The following DNAH17 variants were observed in gnomAD, a reference collection of about 807,000 sequenced individuals.
DNAH17 encodes dynein axonemal heavy chain 17.
In DNAH17, 376 loss-of-function variants were observed where a neutral mutation model predicts 485.6. That is an observed-to-expected ratio of 0.77 (90% CI 0.71 to 0.84). The LOEUF (loss-of-function observed/expected upper bound fraction) is 0.84. Among genes scored for constraint, DNAH17 ranks in the 40% least tolerant of loss-of-function variants. DNAH17 has a pLI of 0.00. For missense variants in DNAH17, 6,370 were observed against 5,839.3 expected (o/e 1.09, Z -2.96); for synonymous variants, 3,031 against 2,405.9 (o/e 1.26, Z -7.60).
chr17:78,562,001 G>A (rs749469538), intron 11 of DNAH17, 21 bp from the exon 12 acceptor site: 13 of 1,552,212 alleles, frequency 8.4e-6, no homozygotes, highest in African/African-American at 6.9e-5. Flanking sequence ...AGGAGAAGGG[G>A]GCCTCTTCAC....
At chr17:78,495,416 C>A (rs1156796097) in intron 38 of DNAH17, among the ~76,000 whole-genome samples, 4 of 151,044 alleles carry the variant, frequency 2.6e-5, no homozygotes, top group African/African-American at 9.8e-5. Flanking sequence ...AGGAGGCCCT[C>A]GCCTGCCTCA....
chr17:78,576,028 C>T (rs1416706358), intron 1 of DNAH17, among the ~76,000 whole-genome samples: 4 of 152,200 alleles, frequency 2.6e-5, no homozygotes, highest in Admixed American at 6.5e-5. Flanking sequence ...AGGTATGCAG[C>T]TCCTGAATTT....
chr17:78,465,298 T>C (rs80088396), intron 56 of DNAH17, among the ~76,000 whole-genome samples: 149,827 of 150,916 alleles, frequency 0.99, 74,375 homozygotes, highest in East Asian at 1. Context: ...ACCTCCCAGC[T>C]GCCTGCCTTG....
chr17:78,500,326 G>T lies in DNAH17; in HGVS notation c.5619C>A (p.Cys1873Ter). Residue 1873 changes from cysteine to a stop codon, truncating the protein, a stop_gained, in exon 36 of 81, where the codon TGC becomes TGA. Transcript: ENST00000389840. LOFTEE classifies it high-confidence loss of function. The part of the protein sequence containing the change: ...ALGTMVYVFN[C>*]SEQMDYKSCG... ...GTACCTTGTAGTCCATCTGCTCGGA[G>T]CAGTTGAAGACGTAGACCATGGTGC... 1.2e-6 allele frequency: 2 copies of T among 1,612,304 alleles called. No homozygotes were observed. Among genetic ancestry groups the T allele is most frequent in the Non-Finnish European group, 1.7e-6 (2 of 1,179,260 alleles).
At chr17:78,453,624 A>T (rs1455937073) in intron 64 of DNAH17, among the ~76,000 whole-genome samples, 159 bp from the exon 65 acceptor site, 1 of 152,208 alleles carries the variant, frequency 6.6e-6, no homozygotes, top group Non-Finnish European at 1.5e-5. Context: ...CCCTTTCCTG[A>T]AAGGAGCCGA....
In DNAH17 at chr17:78,450,840, G is replaced by A. The variant is rs2146493165; in HGVS notation, c.10741C>T (p.Leu3581Phe). The A allele has an allele frequency of 6.2e-7, 1 of 1,613,938 alleles. No individual in the cohort carries two copies. Among genetic ancestry groups the A allele is most frequent in the South Asian group, 1.1e-5 (1 of 91,086 alleles). ...TTAAATTCGTTTTGAGACTTGGTGA[G>A]GTTTGCCTGCAAGGGGAGGTGCAGG... is the stretch of plus-strand genomic sequence containing the variant. ...RPDLEQLKAN[L>F]TKSQNEFKIV... The change falls in exon 67 of 81, where the codon CTC becomes TTC. Residue 3581 changes from leucine (L) to phenylalanine (F), a missense_variant. Coordinates refer to ENST00000389840, the MANE Select transcript of DNAH17 (RefSeq NM_173628.4).
At chr17:78,544,459 G>C (rs770351423) in intron 16 of DNAH17, among the ~76,000 whole-genome samples, 1 of 152,278 alleles carries the variant, frequency 6.6e-6, no homozygotes, top group African/African-American at 2.4e-5. Flanking sequence ...AGGGTAGAGA[G>C]TAGGGTCAGG....
chr17:78,486,978 C>A (rs1352647343), intron 44 of DNAH17, among the ~76,000 whole-genome samples: 1 of 134,428 alleles, frequency 7.4e-6, no homozygotes, highest in Non-Finnish European at 1.6e-5. Context: ...CTGAAGCACC[C>A]CTTGGTGCTT....
chr17:78,469,479 G>A (rs981485142), intron 54 of DNAH17, among the ~76,000 whole-genome samples: 1 of 152,200 alleles, frequency 6.6e-6, no homozygotes, highest in South Asian at 2.1e-4. Context: ...GCCAGGTGCG[G>A]TGGCTCATGC....
intron 11 of DNAH17, among the ~76,000 whole-genome samples, chr17:78,562,756 G>A (rs2092184243): frequency 6.6e-6 from 1 of 152,220 alleles, no homozygotes; most frequent in Non-Finnish European, 1.5e-5. Context: ...GTTCCTCTTA[G>A]GAAGAGCACT....
chr17:78,449,170 C>T (rs1251896102), intron 69 of DNAH17, among the ~76,000 whole-genome samples: 2 of 152,220 alleles, frequency 1.3e-5, no homozygotes, highest in Non-Finnish European at 2.9e-5. Flanking sequence ...TAAAACACCA[C>T]CCCTTCACTA....
rs768157193 is a variant in DNAH17 at position 78,532,656 on chromosome 17, G to C, written c.2940C>G (p.Ala980=). ...TCTCAAAGGAATCCTGGTACTCCTC[G>C]GCCTCCTTCATGGCATTGATGACCA... ...SSLVINAMKE[A]EEYQDSFERY... Residue 980 remains alanine, a synonymous_variant, in exon 20 of 81, where the codon GCC becomes GCG. Transcript: ENST00000389840. The C allele has an allele frequency of 4.4e-6, 7 of 1,596,010 alleles. No homozygotes were observed. The highest frequency in any genetic ancestry group is 6.0e-6 in the Non-Finnish European group (7 of 1,170,562).
At chr17:78,548,586 A>G (rs374002801) in intron 16 of DNAH17, among the ~76,000 whole-genome samples, 1 of 152,210 alleles carries the variant, frequency 6.6e-6, no homozygotes, top group African/African-American at 2.4e-5. Flanking sequence ...TGAGATATCT[A>G]AACGACTTGT....
chr17:78,525,200 C>T (rs765674373), intron 24 of DNAH17, 39 bp from the exon 25 acceptor site: 1 of 1,598,334 alleles, frequency 6.3e-7, no homozygotes, highest in Non-Finnish European at 8.5e-7. Context: ...GGCTACCTAC[C>T]CTCAGCGGTG....
rs116326231 is a variant in DNAH17 at position 78,477,010 on chromosome 17, A to T, written c.7993-277T>A. ...CAGAAGAGTGAATGGTGGAGGAGGGACAAGGGAGGCTAATTGCAAAGGAAA... is the reference window on the plus strand; with the variant it reads ...CAGAAGAGTGAATGGTGGAGGAGGGTCAAGGGAGGCTAATTGCAAAGGAAA... On this transcript the variant is annotated intron_variant, in intron 51 of 80. Transcript: ENST00000389840. Among the ~76,000 whole-genome samples the T allele has an allele frequency of 6.3e-3, 965 of 152,318 alleles. 9 individuals carry two copies. Among genetic ancestry groups the T allele is most frequent in the African/African-American group, 0.022 (908 of 41,568 alleles).
chr17:78,501,923 T>C (rs1278606414), intron 33 of DNAH17, 50 bp from the exon 34 acceptor site: 8 of 1,606,634 alleles, frequency 5.0e-6, no homozygotes, highest in East Asian at 2.2e-5. Context: ...CCACATGCAC[T>C]GGGGGGTCTT....
At chr17:78,426,764 A>G in intron 78 of DNAH17, 162 bp downstream of exon 78, 1 of 1,283,342 alleles carries the variant, frequency 7.8e-7, no homozygotes, top group Non-Finnish European at 1.1e-6. Flanking sequence ...GGAACGGTCT[A>G]GATGAGCTCC....
intron 24 of DNAH17, 40 bp from the exon 25 acceptor site, chr17:78,525,201 C>T: frequency 6.3e-7 from 1 of 1,596,870 alleles, no homozygotes; most frequent in Non-Finnish European, 8.5e-7. Flanking sequence ...GCTACCTACC[C>T]TCAGCGGTGC....
At chr17:78,542,888 G>A (rs11658910) in intron 17 of DNAH17, among the ~76,000 whole-genome samples, 30,021 of 152,210 alleles carry the variant, frequency 0.2, 3,986 homozygotes, top group Non-Finnish European at 0.28. Context: ...ATCCACGGGG[G>A]ATACCGATAA....
Sources: allele counts gnomAD v4.1 joint callset (sites outside exome capture counted in the v4.1 genomes callset), GRCh38; gene constraint gnomAD v4.1.1; transcripts MANE v1.5; gene names NCBI Gene and HGNC (gene_info 2026-07-23, HGNC 2026-07-21).